The following DAP variants were observed in gnomAD, a reference collection of about 807,000 sequenced individuals.
DAP encodes the protein death associated protein, also known as death-associated protein 1.
DAP carries 8 observed loss-of-function variants against 13.8 expected under a neutral mutation model. The observed-to-expected ratio is 0.58, with a 90% confidence interval of 0.34 to 1.05. The LOEUF (loss-of-function observed/expected upper bound fraction) is 1.05. DAP is among the 50% of genes least tolerant of loss of function. The pLI, the probability that DAP is intolerant of heterozygous loss-of-function variation, is 0.03. For missense variants in DAP, 106 were observed against 133.2 expected, an observed-to-expected ratio of 0.80 and a Z score of 1.01; for synonymous variants, 47 against 47.5, an observed-to-expected ratio of 0.99 and a Z score of 0.04.
chr5:10,713,824 T>C (rs1454163946), intron 2 of DAP, among the ~76,000 whole-genome samples: 3 of 152,238 alleles, frequency 2.0e-5, no homozygotes, highest in Non-Finnish European at 4.4e-5. Flanking sequence ...GCAAGTTCTC[T>C]AATGGACGGT....
intron 2 of DAP, among the ~76,000 whole-genome samples, chr5:10,737,779 G>A (rs1019566806): frequency 5.9e-5 from 9 of 152,204 alleles, no homozygotes; most frequent in African/African-American, 2.2e-4. Flanking sequence ...TCCAAAAAAG[G>A]CATGCTGAAA....
chr5:10,757,527 G>T (rs1309573064), intron 1 of DAP, among the ~76,000 whole-genome samples: 1 of 152,142 alleles, frequency 6.6e-6, no homozygotes, highest in Non-Finnish European at 1.5e-5. Context: ...CCCCACCTGG[G>T]TCTCCCAAAG....
At chr5:10,730,838 T>TG (rs1273808123) in intron 2 of DAP, among the ~76,000 whole-genome samples, 30 of 43,202 alleles carry the variant, frequency 6.9e-4, no homozygotes, top group African/African-American at 2.8e-3. Context: ...AGAGCCCTGG[T>TG]GGGGGGGAAA....
At chr5:10,687,420 G>GGGAGGAGGTCAAAATATCAATA (rs2126636134) in intron 2 of DAP, among the ~76,000 whole-genome samples, 1 of 152,312 alleles carries the variant, frequency 6.6e-6, no homozygotes, top group South Asian at 2.1e-4. Context: ...CATGATTCAT[G>GGGAGGAGGTCAAAATATCAATA]GGAGGAGGTC....
At chr5:10,737,463 C>T (rs562874498) in intron 2 of DAP, among the ~76,000 whole-genome samples, 1 of 152,052 alleles carries the variant, frequency 6.6e-6, no homozygotes, top group East Asian at 1.9e-4. Flanking sequence ...TGGTAGAGAA[C>T]AGGGACACGC....
chr5:10,692,727 T>C (rs1022969698), intron 2 of DAP, among the ~76,000 whole-genome samples: 3 of 152,130 alleles, frequency 2.0e-5, no homozygotes, highest in Non-Finnish European at 2.9e-5. Context: ...GACACCGATA[T>C]TGCAATAATA....
chr5:10,700,177 G>C (rs1738540359), intron 2 of DAP, among the ~76,000 whole-genome samples: 1 of 152,224 alleles, frequency 6.6e-6, no homozygotes, highest in Non-Finnish European at 1.5e-5. Flanking sequence ...TTGATGTGTA[G>C]TGTATAATCC....
Position 10,682,425 on chromosome 5 carries a change from G to A in DAP, c.195+1104C>T, listed in dbSNP as rs147876449. Among the ~76,000 whole-genome samples the A allele has an allele frequency of 5.0e-3, 737 of 148,766 alleles. 2 individuals are homozygous for A. The highest frequency in any genetic ancestry group is 9.1e-3 in the Non-Finnish European group (611 of 67,286). Reference sequence around the variant, plus strand: ...GTGGGTGAGGAAGCCCCATACCAGCGTCCCTGCAGGAAGCATGGCAGTTGT... The same window carrying A: ...GTGGGTGAGGAAGCCCCATACCAGCATCCCTGCAGGAAGCATGGCAGTTGT... On this transcript the variant is annotated intron_variant, in intron 3 of 3. Coordinates refer to ENST00000230895, the MANE Select transcript of DAP (RefSeq NM_004394.3).
chr5:10,710,085 C>G (rs1183861818), intron 2 of DAP, among the ~76,000 whole-genome samples: 1 of 152,198 alleles, frequency 6.6e-6, no homozygotes, highest in Non-Finnish European at 1.5e-5. Flanking sequence ...GAGTTTCCGT[C>G]ACCTCCACCT....
Position 10,689,349 on chromosome 5 carries a change from A to AC in DAP, c.153-5779dup, listed in dbSNP as rs775423541. On this transcript the variant is annotated intron_variant, in intron 2 of 3. Coordinates refer to ENST00000230895, the MANE Select transcript of DAP (RefSeq NM_004394.3). ...ATGGAGACCCTGGGGGCTAAAGGAG[A>AC]CCCCCAGCAGTAAGAATGACCCTCC... Among the ~76,000 whole-genome samples, 26 of 151,804 alleles carry AC rather than the reference A, an allele frequency of 1.7e-4. No homozygotes were observed. The South Asian group carries it at 2.7e-3, about 16-fold the overall frequency.
chr5:10,718,837 G>A (rs931856991), intron 2 of DAP, among the ~76,000 whole-genome samples: 4 of 152,132 alleles, frequency 2.6e-5, no homozygotes, highest in Non-Finnish European at 4.4e-5. Flanking sequence ...CACATTTACT[G>A]TCCTACCTCA....
chr5:10,705,644 G>T (rs1459970605), intron 2 of DAP, among the ~76,000 whole-genome samples: 1 of 152,230 alleles, frequency 6.6e-6, no homozygotes, highest in African/African-American at 2.4e-5. Context: ...AGAGAAAGGA[G>T]AACTCAACTT....
At chr5:10,738,613 A>T (rs1739675494) in intron 2 of DAP, among the ~76,000 whole-genome samples, 1 of 152,260 alleles carries the variant, frequency 6.6e-6, no homozygotes, top group African/African-American at 2.4e-5. Context: ...AGGTCATGAA[A>T]GATTTTAAAA....
At chr5:10,687,519 C>A (rs1738185604) in intron 2 of DAP, among the ~76,000 whole-genome samples, 1 of 150,684 alleles carries the variant, frequency 6.6e-6, no homozygotes, top group Admixed American at 6.6e-5. Flanking sequence ...ACTGGAGGAA[C>A]TAACTGCAGA....
At chr5:10,759,299 G>A (rs1162094879) in intron 1 of DAP, among the ~76,000 whole-genome samples, 1 of 152,242 alleles carries the variant, frequency 6.6e-6, no homozygotes, top group Admixed American at 6.5e-5. Context: ...GTCCTGGGGA[G>A]TGGAGGGCCA....
At chr5:10,690,251 A>G (rs1037096166) in intron 2 of DAP, among the ~76,000 whole-genome samples, 2 of 152,210 alleles carry the variant, frequency 1.3e-5, no homozygotes, top group Admixed American at 6.5e-5. Context: ...CGTTCTTCCT[A>G]AAGACAGTCC....
intron 2 of DAP, among the ~76,000 whole-genome samples, chr5:10,709,191 T>A (rs572472885): frequency 2.0e-5 from 3 of 152,370 alleles, no homozygotes; most frequent in Admixed American, 2.0e-4. Context: ...TTCACTATAA[T>A]TAACACAAAT....
chr5:10,720,868 C>A (rs2126658484), intron 2 of DAP, among the ~76,000 whole-genome samples: 1 of 152,354 alleles, frequency 6.6e-6, no homozygotes, highest in East Asian at 1.9e-4. Flanking sequence ...GTTTGCCTAT[C>A]CTGCATGCAA....
At chr5:10,747,211 T>C (rs572853227) in intron 2 of DAP, among the ~76,000 whole-genome samples, 2 of 152,314 alleles carry the variant, frequency 1.3e-5, no homozygotes, top group East Asian at 3.9e-4. Context: ...GTAGAGAGCT[T>C]AGTGCTTTCT....
Sources: allele counts gnomAD v4.1 joint callset (sites outside exome capture counted in the v4.1 genomes callset), GRCh38; gene constraint gnomAD v4.1.1; transcripts MANE v1.5; gene names NCBI Gene and HGNC (gene_info 2026-07-23, HGNC 2026-07-21).